SERPINB7: variants seen among roughly 807,000 people sequenced by gnomAD.
The protein encoded by SERPINB7 is serpin family B member 7.
Under a neutral mutation model 37.4 loss-of-function variants are expected in SERPINB7, and 31 were observed. The observed-to-expected ratio is 0.83, with a 90% CI of 0.62 to 1.12. SERPINB7 has a LOEUF of 1.12. Among genes scored for constraint, SERPINB7 ranks in the 50% most tolerant of loss-of-function variants. The pLI is 0.00. For missense variants in SERPINB7, 521 were observed against 455.3 expected, an observed-to-expected ratio of 1.14 and a Z score of -1.31; for synonymous variants, 163 against 166.1, an observed-to-expected ratio of 0.98 and a Z score of 0.14.
intron 1 of SERPINB7, among the ~76,000 whole-genome samples, chr18:63,775,953 C>T (rs545573950): frequency 1.3e-5 from 2 of 152,182 alleles, no homozygotes; most frequent in African/African-American, 4.8e-5. Flanking sequence ...CTGGAGAGAA[C>T]ACTGTGACCC....
At chr18:63,803,265 G>A (rs1394693382) in intron 7 of SERPINB7, among the ~76,000 whole-genome samples, 1 of 151,668 alleles carries the variant, frequency 6.6e-6, no homozygotes, top group Non-Finnish European at 1.5e-5. Flanking sequence ...TTCCAACAGG[G>A]TAAAAATATA....
chr18:63,784,344 G>T (rs373498232), intron 2 of SERPINB7, among the ~76,000 whole-genome samples: 1 of 152,018 alleles, frequency 6.6e-6, no homozygotes, highest in African/African-American at 2.4e-5. Context: ...ACAACTACCC[G>T]CAGCATACCC....
intron 1 of SERPINB7, among the ~76,000 whole-genome samples, chr18:63,759,482 C>CT (rs770813570): frequency 1.3e-5 from 2 of 152,086 alleles, no homozygotes; most frequent in East Asian, 1.9e-4. Flanking sequence ...TCCTTCTTTT[C>CT]TTTTTTATTG....
intron 2 of SERPINB7, among the ~76,000 whole-genome samples, chr18:63,782,919 A>G (rs2049315848): frequency 6.6e-6 from 1 of 151,896 alleles, no homozygotes; most frequent in Non-Finnish European, 1.5e-5. Context: ...CGGGCGGATC[A>G]CGAGGTCAGG....
chr18:63,804,683 C>A lies in SERPINB7; in HGVS notation c.*48C>A. 1.3e-6 allele frequency: 2 copies of A among 1,494,496 alleles called. No individual in the cohort carries two copies. Among genetic ancestry groups the A allele is most frequent in the Admixed American group, 2.2e-5 (1 of 46,088 alleles). 92.6% of individuals were successfully genotyped at this position (1,494,496 alleles called of 1,614,324 possible). On this transcript the variant is annotated 3_prime_UTR_variant, in exon 8 of 8. Transcript: ENST00000398019. ...AGCAGTCCCCACAACATCAAAGAAC[C>A]ACCACAAGTCAATAGATTTGAGTTT...
intron 2 of SERPINB7, among the ~76,000 whole-genome samples, chr18:63,786,029 T>TATATATACACATATATAATATAC (rs1252839880): frequency 3.8e-5 from 5 of 132,008 alleles, no homozygotes; most frequent in Admixed American, 8.2e-5. Flanking sequence ...ATAATATACG[T>TATATATACACATATATAATATAC]ATATATACAC....
intron 1 of SERPINB7, among the ~76,000 whole-genome samples, chr18:63,754,511 G>A (rs2049109395): frequency 6.6e-6 from 1 of 152,158 alleles, no homozygotes; most frequent in Admixed American, 6.5e-5. Flanking sequence ...TGTCGTCTAA[G>A]GGTGGTCCCT....
At chr18:63,760,662 C>T (rs1568199459) in intron 1 of SERPINB7, among the ~76,000 whole-genome samples, 1 of 152,164 alleles carries the variant, frequency 6.6e-6, no homozygotes, top group Non-Finnish European at 1.5e-5. Flanking sequence ...TGTGTGCAGC[C>T]TAGGGTCTTG....
chr18:63,784,853 C>T (rs1300447788), intron 2 of SERPINB7, among the ~76,000 whole-genome samples: 1 of 152,230 alleles, frequency 6.6e-6, no homozygotes, highest in Non-Finnish European at 1.5e-5. Flanking sequence ...AGAAGACACA[C>T]GGCTCTTACC....
rs2049594944 is a variant in SERPINB7, at chr18:63,805,181, C to T, written c.*546C>T. ...ATGTGAAATTGGGATTAGGGACCAACCAAAATATTTCATTAATGCTTTCAA... is the reference window on the plus strand; with the variant it reads ...ATGTGAAATTGGGATTAGGGACCAATCAAAATATTTCATTAATGCTTTCAA... On this transcript the variant is annotated 3_prime_UTR_variant, in exon 8 of 8. Coordinates refer to ENST00000398019, the MANE Select transcript of SERPINB7 (RefSeq NM_003784.4). 6.6e-6 allele frequency: 1 copy of T among 152,346 alleles called. No individual in the cohort carries two copies. The highest frequency in any genetic ancestry group is 2.1e-4 in the South Asian group (1 of 4,822). The allele number at this position is 152,346 out of a possible 1,614,324, so 9.4% of individuals were successfully genotyped here.
At chr18:63,761,921 G>A (rs1490560159) in intron 1 of SERPINB7, among the ~76,000 whole-genome samples, 1 of 152,126 alleles carries the variant, frequency 6.6e-6, no homozygotes, top group East Asian at 1.9e-4. Context: ...TCCTGCTGGG[G>A]CCACCTCTCT....
chr18:63,799,680 C>T (rs2049526392), intron 6 of SERPINB7, among the ~76,000 whole-genome samples: 3 of 152,156 alleles, frequency 2.0e-5, no homozygotes, highest in Admixed American at 2.0e-4. Context: ...ATCCCAGTCC[C>T]CATGTGTATC....
At position 63,800,850 on chromosome 18, in the gene SERPINB7, G is replaced by A. The variant is rs2049539644; in HGVS notation, c.598-16G>A. On this transcript the variant is annotated splice_polypyrimidine_tract_variant and intron_variant, in intron 6 of 7. Transcript: ENST00000398019. Reference sequence around the variant, plus strand: ...GAGGTGGGATCATAAATAATTTTTTGTGACTTGACTTTCAGTGCTCTGGGA... The same window carrying A: ...GAGGTGGGATCATAAATAATTTTTTATGACTTGACTTTCAGTGCTCTGGGA... 6.2e-7 allele frequency: 1 copy of A among 1,609,448 alleles called. No homozygotes were observed. The highest frequency in any genetic ancestry group is 8.5e-7 in the Non-Finnish European group (1 of 1,178,502).
chr18:63,769,867 C>T (rs2049200458), intron 1 of SERPINB7, among the ~76,000 whole-genome samples: 1 of 151,782 alleles, frequency 6.6e-6, no homozygotes, highest in Non-Finnish European at 1.5e-5. Flanking sequence ...TGATTGTCCT[C>T]AAACCCTCTA....
chr18:63,783,294 G>GAAAGAAAGAAAT (rs1447518198), intron 2 of SERPINB7, among the ~76,000 whole-genome samples: 2 of 147,468 alleles, frequency 1.4e-5, no homozygotes, highest in African/African-American at 2.5e-5. Context: ...AAGAAAGAAA[G>GAAAGAAAGAAAT]AAATGCAAAT....
Position 63,793,233 on chromosome 18 carries a change from A to G in SERPINB7, c.292A>G (p.Ile98Val). The G allele has an allele frequency of 6.2e-7, 1 of 1,609,008 alleles. No individual in the cohort carries two copies. The highest frequency in any genetic ancestry group is 8.5e-7 in the Non-Finnish European group (1 of 1,177,118). Residue 98 changes from isoleucine to valine, a missense_variant, in exon 4 of 8, where the codon ATT becomes GTT. Transcript: ENST00000398019. ...ATCCCACAAGGATTATGATCTCAGC[A>G]TTGTGAATGGGCTTTTTGCTGAAAA... is the stretch of plus-strand genomic sequence containing the variant. ...NASHKDYDLS[I>V]VNGLFAEKVY...
chr18:63,783,218 GAGAGAGAGAGAGAGAGAAAGAAAGAA>G (rs1357942240), intron 2 of SERPINB7, among the ~76,000 whole-genome samples: 15 of 71,152 alleles, frequency 2.1e-4, no homozygotes, highest in African/African-American at 3.2e-4. Flanking sequence ...GAGAGAGAGA[GAGAGAGAGAGAGAGAGAAAGAAAGAA>G]AGAAAGAAAG....
At chr18:63,786,310 GATTATAT>G (rs2049372733) in intron 2 of SERPINB7, among the ~76,000 whole-genome samples, 1 of 146,420 alleles carries the variant, frequency 6.8e-6, no homozygotes, top group South Asian at 2.1e-4. Context: ...TACACGTTTG[GATTATAT>G]ATGTATGAGA....
chr18:63,786,210 G>GTATATATATATATATA (rs143561199), intron 2 of SERPINB7, among the ~76,000 whole-genome samples: 10 of 64,300 alleles, frequency 1.6e-4, no homozygotes, highest in African/African-American at 5.4e-4. Flanking sequence ...GCACATACGT[G>GTATATATATATATATA]TATATATATA....
Sources: gnomAD v4.1 joint callset for allele counts (sites outside exome capture counted in the v4.1 genomes callset) on GRCh38, gnomAD v4.1.1 for gene constraint, MANE v1.5 for transcripts, NCBI Gene and HGNC (gene_info 2026-07-23, HGNC 2026-07-21) for gene names.